Variants in RP1 observed in about 807,000 individuals in gnomAD.
RP1 encodes RP1 axonemal microtubule associated.
A neutral mutation model predicts 14.8 loss-of-function variants in RP1; 16 were observed. The observed-to-expected ratio is 1.08, with a 90% CI of 0.73 to 1.65. The LOEUF (loss-of-function observed/expected upper bound fraction) is 1.65. Ranked by LOEUF, RP1 falls within the 40% of genes most tolerant of loss-of-function variation. The probability of loss-of-function intolerance (pLI) is 0.00; values close to 1 mark genes in which losing one functional copy is unlikely to be tolerated. For synonymous variants in RP1, 876 were observed against 883.6 expected, an observed-to-expected ratio of 0.99 and a Z score of 0.15; for missense variants, 2,631 against 2,535.0, an observed-to-expected ratio of 1.04 and a Z score of -0.81.
chr8:54,581,518 C>A (rs1366712672), intron 1 of RP1, among the ~76,000 whole-genome samples: 1 of 152,154 alleles, frequency 6.6e-6, no homozygotes. Context: ...TGGGTATATA[C>A]CCAGCAATGG....
At chr8:54,730,953 A>C (rs1808781127) in intron 17 of RP1, among the ~76,000 whole-genome samples, 1 of 152,140 alleles carries the variant, frequency 6.6e-6, no homozygotes, top group Non-Finnish European at 1.5e-5. Flanking sequence ...ATCTGATATT[A>C]CACTATCAGA....
chr8:54,856,405 T>C (rs1474288504), intron 26 of RP1, among the ~76,000 whole-genome samples: 1 of 152,206 alleles, frequency 6.6e-6, no homozygotes, highest in Non-Finnish European at 1.5e-5. Flanking sequence ...ATCTACTTCA[T>C]AGTTTATTTT....
chr8:54,713,078 C>T (rs534923915), intron 15 of RP1, among the ~76,000 whole-genome samples: 29 of 143,138 alleles, frequency 2.0e-4, no homozygotes, highest in Admixed American at 1.5e-3. Flanking sequence ...TCAAGAAATG[C>T]TTTTTTTTTT....
Position 54,605,335 on chromosome 8 carries a change from G to A in RP1, c.-12-15620G>A, listed in dbSNP as rs189857835. ...CAGGAGCAGGTTGTTCAATTTCCATGTAGTTGAGCGGTTTTGAGTGAGTTT... is the reference window on the plus strand; with the variant it reads ...CAGGAGCAGGTTGTTCAATTTCCATATAGTTGAGCGGTTTTGAGTGAGTTT... On this transcript the variant is annotated intron_variant, in intron 1 of 22. Coordinates refer to the RP1 transcript ENST00000636932. Among the ~76,000 whole-genome samples the A allele has an allele frequency of 2.4e-3, 368 of 152,312 alleles. 10 individuals carry two copies. The East Asian group carries it at 0.054, about 22-fold the overall frequency.
At chr8:54,599,514 G>A (rs898017136) in intron 1 of RP1, among the ~76,000 whole-genome samples, 20 of 151,572 alleles carry the variant, frequency 1.3e-4, no homozygotes, top group African/African-American at 4.1e-4. Context: ...GCTGGAATGC[G>A]GTGGCACCGT....
intron 24 of RP1, chr8:54,837,384 T>C: frequency 3.1e-6 from 2 of 640,768 alleles, no homozygotes; most frequent in East Asian, 6.9e-5. Context: ...GAGTTCAAAA[T>C]GGAATATGAA....
chr8:54,661,402 C>A (rs1806895608), intron 6 of RP1, among the ~76,000 whole-genome samples: 1 of 150,582 alleles, frequency 6.6e-6, no homozygotes, highest in Non-Finnish European at 1.5e-5. Flanking sequence ...TCGCTTGAGT[C>A]TGGGAGGTTG....
At chr8:54,788,146 C>T (rs1256670954) in intron 24 of RP1, among the ~76,000 whole-genome samples, 5 of 152,140 alleles carry the variant, frequency 3.3e-5, no homozygotes, top group African/African-American at 9.6e-5. Context: ...AGGAAGGCAG[C>T]TTGGCAGATG....
At chr8:54,754,656 C>G in intron 19 of RP1, 1 of 754,448 alleles carries the variant, frequency 1.3e-6, no homozygotes, top group East Asian at 3.3e-5. Context: ...CACCAACCTA[C>G]GACTACTACT....
chr8:54,625,365 A>G lies in RP1; in HGVS notation c.1483A>G (p.Lys495Glu), dbSNP rs749544156. ...YSEERESGEN[K>E]SEYHMFTHSC... ...TGAAGAAAGGGAAAGTGGGGAAAAC[A>G]AGTCTGAGTATCACATGTTTACACA... Residue 495 changes from lysine (K) to glutamate (E), a missense_variant, in exon 4 of 4, where the codon AAG becomes GAG. Lys to Glu is a moderately conservative substitution (Grantham distance 56, BLOSUM62 1). Transcript: ENST00000220676. 4 of 1,614,138 alleles carry G rather than the reference A, an allele frequency of 2.5e-6. No individual in the cohort carries two copies. The highest frequency in any genetic ancestry group is 3.3e-5 in the Admixed American group (2 of 60,028).
In RP1 at chr8:54,630,006, T is replaced by C. The variant is rs750908836; in HGVS notation, c.6124T>C (p.Leu2042=). The change falls in exon 4 of 4, where the codon TTA becomes CTA. Residue 2042 remains leucine (L), a synonymous_variant. Transcript: ENST00000220676. Reference sequence around the variant, plus strand: ...TATGAATTTCTTGCACACATCATTGTTAGTTGTGGGTAATGTGGATTCAAA... The same window carrying C: ...TATGAATTTCTTGCACACATCATTGCTAGTTGTGGGTAATGTGGATTCAAA... ...FCMNFLHTSL[L]VVGNVDSNTQ... The C allele has an allele frequency of 1.4e-5, 22 of 1,614,020 alleles. No individual in the cohort carries two copies. In the South Asian group the frequency reaches 2.3e-4, roughly 17 times the overall value.
At chr8:54,658,476 G>A (rs1189900705) in intron 6 of RP1, among the ~76,000 whole-genome samples, 1 of 147,604 alleles carries the variant, frequency 6.8e-6, no homozygotes, top group Non-Finnish European at 1.5e-5. Context: ...GCGTGAACCC[G>A]GGAGGCGGAG....
chr8:54,694,228 T>G (rs1807796448), intron 12 of RP1, among the ~76,000 whole-genome samples: 2 of 152,192 alleles, frequency 1.3e-5, no homozygotes, highest in Non-Finnish European at 2.9e-5. Flanking sequence ...TGCCAGTATT[T>G]TATTGAGGAT....
At chr8:54,650,565 T>A (rs1160900945) in intron 4 of RP1, among the ~76,000 whole-genome samples, 1 of 152,124 alleles carries the variant, frequency 6.6e-6, no homozygotes, top group Non-Finnish European at 1.5e-5. Flanking sequence ...AAAGAAAACT[T>A]TGTTATGCAG....
chr8:54,697,115 C>G, intron 12 of RP1: 2 of 1,480,528 alleles, frequency 1.4e-6, no homozygotes, highest in East Asian at 4.5e-5. Flanking sequence ...ACGCATCAAT[C>G]AGCTCATCTA....
chr8:54,862,546 A>AT (rs1563399612), intron 27 of RP1, among the ~76,000 whole-genome samples: 1 of 152,176 alleles, frequency 6.6e-6, no homozygotes, highest in East Asian at 1.9e-4. Context: ...TACAAAAAAG[A>AT]TTTTTTAAAG....
intron 24 of RP1, among the ~76,000 whole-genome samples, chr8:54,834,886 T>C (rs1811622618): frequency 6.6e-6 from 1 of 152,242 alleles, no homozygotes; most frequent in South Asian, 2.1e-4. Context: ...ATGTCCCAGA[T>C]TGAATTCAGT....
At chr8:54,804,147 G>A (rs568733241) in intron 24 of RP1, among the ~76,000 whole-genome samples, 1 of 151,870 alleles carries the variant, frequency 6.6e-6, no homozygotes, top group South Asian at 2.1e-4. Flanking sequence ...CATATGTGGG[G>A]GGGGGCTAGG....
chr8:54,665,713 G>A (rs1185718331), intron 7 of RP1, among the ~76,000 whole-genome samples: 2 of 152,168 alleles, frequency 1.3e-5, no homozygotes, highest in African/African-American at 2.4e-5. Flanking sequence ...AGACAGGTGG[G>A]TCAGCTGGAG....
Sources: gnomAD v4.1 joint callset for allele counts (sites outside exome capture counted in the v4.1 genomes callset) on GRCh38, gnomAD v4.1.1 for gene constraint, MANE v1.5 for transcripts, NCBI Gene and HGNC (gene_info 2026-07-23, HGNC 2026-07-21) for gene names.